Variants in EVA1C observed in about 807,000 individuals in gnomAD.
EVA1C encodes the protein eva-1 homolog C, also known as protein eva-1 homolog C.
EVA1C carries 25 observed loss-of-function variants against 45.4 expected under a neutral mutation model. The ratio of observed to expected loss-of-function variants is 0.55; its 90% CI spans 0.40 to 0.77. The LOEUF (loss-of-function observed/expected upper bound fraction) is 0.77, where lower values mean the gene tolerates loss of function less well. EVA1C is among the 30% of genes least tolerant of loss of function. The probability of loss-of-function intolerance (pLI) is 0.00; values close to 1 mark genes in which losing one functional copy is unlikely to be tolerated. For synonymous variants in EVA1C, 190 were observed against 221.2 expected, an observed-to-expected ratio of 0.86 and a Z score of 1.25; for missense variants, 479 against 554.8, an observed-to-expected ratio of 0.86 and a Z score of 1.37.
At chr21:32,497,229 T>C in intron 5 of EVA1C, 1 of 803,732 alleles carries the variant, frequency 1.2e-6, no homozygotes, top group Non-Finnish European at 2.2e-6. Context: ...CAGCAGACTT[T>C]AATTTTGGCA....
chr21:32,492,023 G>A (rs545031232), intron 4 of EVA1C, among the ~76,000 whole-genome samples: 47 of 152,294 alleles, frequency 3.1e-4, no homozygotes, highest in South Asian at 8.3e-4. Flanking sequence ...CCCAGACCCA[G>A]TGCATTTTGC....
chr21:32,502,021 TTTCTTTCTTTCTTTCTTTC>T (rs1390913571), intron 6 of EVA1C, among the ~76,000 whole-genome samples: 38 of 141,342 alleles, frequency 2.7e-4, no homozygotes, highest in African/African-American at 1.0e-3. Context: ...TCTTTCTTTC[TTTCTTTCTTTCTTTCTTTC>T]TTTCTTTCTT....
rs1009450436 is a variant in EVA1C at position 32,474,058 on chromosome 21, G to A, written c.634+6210G>A. The A allele has an allele frequency of 3.5e-6, 2 of 573,316 alleles. No individual in the cohort carries two copies. Among genetic ancestry groups the A allele is most frequent in the Non-Finnish European group, 4.4e-6 (2 of 453,676 alleles). 35.5% of individuals were successfully genotyped at this position (573,316 alleles called of 1,614,324 possible). A position where few individuals can be genotyped will look rare whatever the true frequency, so the allele number is the denominator to read the frequency against. Reference sequence around the variant, plus strand: ...TTCTCTCACCTCAGCCTCCTGAGTAGCTGGGACTACAGGTGCATGCCACCA... The same window carrying A: ...TTCTCTCACCTCAGCCTCCTGAGTAACTGGGACTACAGGTGCATGCCACCA... On this transcript the variant is annotated intron_variant, in intron 4 of 7. Coordinates refer to ENST00000300255, the MANE Select transcript of EVA1C (RefSeq NM_058187.5). This position sits in a 1 kb window ranked among gnomAD's most constrained non-coding sequence, Gnocchi z 4.4.
In EVA1C at chr21:32,457,661, G is replaced by C. The variant is rs1193954732; in HGVS notation, c.422G>C (p.Gly141Ala). The C allele has an allele frequency of 1.9e-6, 3 of 1,614,134 alleles. No individual in the cohort carries two copies. The highest frequency in any genetic ancestry group is 2.5e-6 in the Non-Finnish European group (3 of 1,180,010). ...CTCCTGGTCAATAGCCGTGTTTTTG[G>C]ACCTGACCTTTGTCCAGGAAGCAGT... ...CHLLVNSRVF[G>A]PDLCPGSSKY... The change falls in exon 3 of 8, where the codon GGA (glycine) becomes GCA (alanine). Residue 141 changes from glycine (G) to alanine (A), a missense_variant. Around this residue, in one of 3 missense-constraint regions of EVA1C, gnomAD observed 366 missense variants for 426.1 expected, o/e 0.86. Coordinates refer to ENST00000300255, the MANE Select transcript of EVA1C (RefSeq NM_058187.5).
intron 4 of EVA1C, among the ~76,000 whole-genome samples, chr21:32,485,103 C>T (rs189104609): frequency 6.6e-6 from 1 of 152,316 alleles, no homozygotes; most frequent in East Asian, 1.9e-4. Context: ...TGACTGTCCA[C>T]CCTCTTGTTT....
intron 1 of EVA1C, among the ~76,000 whole-genome samples, chr21:32,434,629 T>TAAAA (rs980373696): frequency 6.0e-5 from 9 of 150,172 alleles, no homozygotes; most frequent in Non-Finnish European, 7.4e-5. Flanking sequence ...AATAAATAAA[T>TAAAA]AAAATTTTAT....
At chr21:32,449,068 AAG>A (rs1478087605) in intron 1 of EVA1C, among the ~76,000 whole-genome samples, 1 of 152,116 alleles carries the variant, frequency 6.6e-6, no homozygotes, top group Non-Finnish European at 1.5e-5. Context: ...AAAGAAAAGA[AAG>A]AAAAATGGAG....
intron 4 of EVA1C, among the ~76,000 whole-genome samples, chr21:32,492,209 C>T (rs2037182435): frequency 6.6e-6 from 1 of 152,056 alleles, no homozygotes; most frequent in South Asian, 2.1e-4. Flanking sequence ...GTGAGAAATC[C>T]CTCAATAGGG....
intron 4 of EVA1C, among the ~76,000 whole-genome samples, chr21:32,491,938 C>A (rs1172368325): frequency 6.6e-6 from 1 of 152,108 alleles, no homozygotes; most frequent in Non-Finnish European, 1.5e-5. Context: ...GAGATCCTGG[C>A]CTCGGCTCTC....
At chr21:32,447,089 A>C (rs1179865238) in intron 1 of EVA1C, among the ~76,000 whole-genome samples, 2 of 152,136 alleles carry the variant, frequency 1.3e-5, no homozygotes, top group African/African-American at 2.4e-5. Context: ...GTCGGACCAT[A>C]ACCCATGGTA....
intron 6 of EVA1C, among the ~76,000 whole-genome samples, chr21:32,503,016 C>T (rs779915939): frequency 3.4e-4 from 51 of 152,192 alleles, no homozygotes; most frequent in African/African-American, 1.1e-3. Flanking sequence ...AACCCTGTGC[C>T]GTCTCTCCTC....
chr21:32,447,097 G>A (rs1405823287), intron 1 of EVA1C, among the ~76,000 whole-genome samples: 1 of 152,160 alleles, frequency 6.6e-6, no homozygotes, highest in Admixed American at 6.5e-5. Flanking sequence ...ATAACCCATG[G>A]TAAGAAATCT....
intron 4 of EVA1C, among the ~76,000 whole-genome samples, chr21:32,471,785 C>T (rs1399566748): frequency 1.3e-5 from 2 of 151,940 alleles, no homozygotes; most frequent in African/African-American, 4.8e-5. Flanking sequence ...CCCGCCACCA[C>T]GCCCCACTAT....
chr21:32,513,187 AT>A (rs978309142), intron 7 of EVA1C, among the ~76,000 whole-genome samples: 2 of 133,180 alleles, frequency 1.5e-5, no homozygotes, highest in Non-Finnish European at 1.7e-5. Context: ...TTATTTATTT[AT>A]TTTTTTGAGA....
chr21:32,448,981 AAG>A (rs548267774), intron 1 of EVA1C, among the ~76,000 whole-genome samples: 68 of 149,910 alleles, frequency 4.5e-4, no homozygotes, highest in African/African-American at 4.8e-4. Context: ...GAAAGAAAGA[AAG>A]AGAGAAAGAA....
In EVA1C at chr21:32,412,970, C is replaced by G. The variant is rs531696451; in HGVS notation, c.117C>G (p.Val39=). Residue 39 remains valine (V), a synonymous_variant, in exon 1 of 8, where the codon GTC becomes GTG. Transcript: ENST00000300255. ...GQLLRLFYCT[V]LVCSKEISAL... The stretch of plus-strand genomic sequence containing the variant: ...TCCTGCGCCTCTTCTACTGCACTGT[C>G]CTGGTCTGCTCCAAAGAGATCTCAG... 11 of 1,529,672 alleles carry G rather than the reference C, an allele frequency of 7.2e-6. No individual in the cohort carries two copies. The highest frequency in any genetic ancestry group is 9.7e-6 in the Non-Finnish European group (11 of 1,138,204). The allele number at this position is 1,529,672 out of a possible 1,614,324, so 94.8% of individuals were successfully genotyped here.
chr21:32,427,173 C>G (rs909839623), intron 1 of EVA1C, among the ~76,000 whole-genome samples: 2 of 152,152 alleles, frequency 1.3e-5, no homozygotes, highest in Non-Finnish European at 2.9e-5. Context: ...CCTGGACACC[C>G]TTTTAATAAA....
chr21:32,497,580 G>A (rs1318774944), intron 5 of EVA1C, among the ~76,000 whole-genome samples: 2 of 152,096 alleles, frequency 1.3e-5, no homozygotes, highest in Non-Finnish European at 1.5e-5. Flanking sequence ...TTTTTTTAAA[G>A]GTGCAGTTTC....
At chr21:32,450,505 A>G (rs1340650963) in intron 1 of EVA1C, among the ~76,000 whole-genome samples, 1 of 9,726 alleles carries the variant, frequency 1.0e-4, no homozygotes, top group Non-Finnish European at 1.7e-4. Context: ...TATTCCCCGG[A>G]CCACAGTCCG....
Sources: gnomAD v4.1 joint callset for allele counts (sites outside exome capture counted in the v4.1 genomes callset) on GRCh38, gnomAD v4.1.1 for gene constraint, gnomAD v4.1.1 regional missense constraint, Gnocchi (gnomAD v3.1) non-coding constraint, MANE v1.5 for transcripts, NCBI Gene and HGNC (gene_info 2026-07-23, HGNC 2026-07-21) for gene names.